The following AGBL4 variants were observed in gnomAD, a reference collection of about 807,000 sequenced individuals.
AGBL4 encodes the protein AGBL carboxypeptidase 4.
Under a neutral mutation model 66.4 loss-of-function variants are expected in AGBL4, and 58 were observed. The observed-to-expected ratio is 0.87, with a 90% confidence interval of 0.71 to 1.09. The LOEUF (loss-of-function observed/expected upper bound fraction) is 1.09. AGBL4 is among the 50% of genes least tolerant of loss of function. The pLI is 0.00. For synonymous variants in AGBL4, 234 were observed against 222.9 expected, an observed-to-expected ratio of 1.05 and a Z score of -0.44; for missense variants, 579 against 631.0, an observed-to-expected ratio of 0.92 and a Z score of 0.88.
chr1:49,834,668 T>C (rs1645797917), intron 2 of AGBL4, among the ~76,000 whole-genome samples: 1 of 152,178 alleles, frequency 6.6e-6, no homozygotes, highest in African/African-American at 2.4e-5. Flanking sequence ...TTATGTTAGG[T>C]GTCAATTTTA....
chr1:48,695,869 C>A (rs942946388), intron 6 of AGBL4, among the ~76,000 whole-genome samples: 5 of 152,158 alleles, frequency 3.3e-5, no homozygotes, highest in Non-Finnish European at 5.9e-5. Context: ...AGACCACCAC[C>A]AACCCCTAAA....
At position 49,844,917 on chromosome 1, in the gene AGBL4, G is replaced by C. The variant is rs1646096895; in HGVS notation, c.157+6479C>G. On this transcript the variant is annotated intron_variant, in intron 2 of 13. Transcript: ENST00000371839. ...AGATGCCTGTTCAGGAGCAGTGACA[G>C]AGGAATGGGTTTGGGGAAAACAGAA... 5 of 1,369,170 alleles carry C rather than the reference G, an allele frequency of 3.7e-6. No individual in the cohort carries two copies. In the South Asian group the frequency reaches 5.9e-5, roughly 16 times the overall value. 84.8% of individuals were successfully genotyped at this position (1,369,170 alleles called of 1,614,324 possible).
intron 3 of AGBL4, among the ~76,000 whole-genome samples, chr1:49,688,955 T>G (rs1646836233): frequency 1.3e-5 from 2 of 152,192 alleles, no homozygotes; most frequent in African/African-American, 2.4e-5. Flanking sequence ...GAGTTCCTTA[T>G]ATTTTCTGAT....
At chr1:49,953,084 A>G (rs1011138969) in intron 1 of AGBL4, among the ~76,000 whole-genome samples, 1 of 151,970 alleles carries the variant, frequency 6.6e-6, no homozygotes, top group African/African-American at 2.4e-5. Flanking sequence ...AACATAAAAG[A>G]AGAATGATAG....
At chr1:49,840,597 G>A (rs936417684) in intron 2 of AGBL4, among the ~76,000 whole-genome samples, 2 of 152,124 alleles carry the variant, frequency 1.3e-5, no homozygotes, top group Non-Finnish European at 2.9e-5. Flanking sequence ...TATCGCCAAT[G>A]AATGCAGACA....
rs372598395 is a variant in AGBL4, at chr1:48,803,890, C to T, written c.634+63301G>A. ...CTAGTCTGGTGGTTAAGCACTTAGG[C>T]TCTGGAATGATATTGTCTAGACTTG... On this transcript the variant is annotated intron_variant, in intron 6 of 13. Coordinates refer to ENST00000371839, the MANE Select transcript of AGBL4 (RefSeq NM_032785.4). Among the ~76,000 whole-genome samples the T allele has an allele frequency of 1.9e-4, 29 of 152,264 alleles. No homozygotes were observed. In the East Asian group the frequency reaches 2.7e-3, roughly 14 times the overall value.
chr1:49,227,186 A>G (rs1649978199), intron 4 of AGBL4, among the ~76,000 whole-genome samples: 1 of 152,186 alleles, frequency 6.6e-6, no homozygotes, highest in Non-Finnish European at 1.5e-5. Flanking sequence ...TATTTATTTA[A>G]ATAATATTTG....
At chr1:48,756,947 T>C (rs1449495409) in intron 6 of AGBL4, among the ~76,000 whole-genome samples, 1 of 152,192 alleles carries the variant, frequency 6.6e-6, no homozygotes, top group Non-Finnish European at 1.5e-5. Context: ...GCCTGTGGGA[T>C]GGGAGAGCCT....
At chr1:49,493,319 C>A (rs1647255473) in intron 3 of AGBL4, among the ~76,000 whole-genome samples, 1 of 151,902 alleles carries the variant, frequency 6.6e-6, no homozygotes, top group Non-Finnish European at 1.5e-5. Context: ...GAAACAAGAG[C>A]AGATAATTTT....
At chr1:49,171,223 C>T (rs575492084) in intron 4 of AGBL4, among the ~76,000 whole-genome samples, 1 of 152,296 alleles carries the variant, frequency 6.6e-6, no homozygotes, top group South Asian at 2.1e-4. Flanking sequence ...ATGTTCCAGG[C>T]ACAAGGACCC....
At chr1:49,885,035 A>T (rs1480894070) in intron 1 of AGBL4, among the ~76,000 whole-genome samples, 5 of 151,998 alleles carry the variant, frequency 3.3e-5, no homozygotes, top group Non-Finnish European at 5.9e-5. Flanking sequence ...TCATTTTTAC[A>T]TTGAAAACTA....
At chr1:49,270,195 C>T (rs1014892423) in intron 3 of AGBL4, among the ~76,000 whole-genome samples, 4 of 152,126 alleles carry the variant, frequency 2.6e-5, no homozygotes, top group Non-Finnish European at 5.9e-5. Context: ...TCTCTTCTCC[C>T]AGAAATAGTT....
At chr1:48,697,278 C>T (rs546569458) in intron 6 of AGBL4, among the ~76,000 whole-genome samples, 24 of 152,276 alleles carry the variant, frequency 1.6e-4, no homozygotes, top group African/African-American at 4.1e-4. Context: ...GAAAATGCCC[C>T]GTGCTGCCAC....
At chr1:48,869,643 T>C (rs1028172468) in intron 5 of AGBL4, among the ~76,000 whole-genome samples, 2 of 152,104 alleles carry the variant, frequency 1.3e-5, no homozygotes. Context: ...ACTTGGCAAC[T>C]CTAAAATGAG....
intron 3 of AGBL4, among the ~76,000 whole-genome samples, chr1:49,261,844 A>G (rs1341427803): frequency 6.7e-6 from 1 of 149,606 alleles, no homozygotes; most frequent in Non-Finnish European, 1.5e-5. Context: ...AAGAGCCCAC[A>G]TCGCCAAGTC....
chr1:49,563,061 C>T (rs1257924731), intron 3 of AGBL4, among the ~76,000 whole-genome samples: 3 of 151,996 alleles, frequency 2.0e-5, no homozygotes, highest in Admixed American at 2.0e-4. Flanking sequence ...ATTTTATTCT[C>T]TTTGAAGCAA....
rs80296469 is a variant in AGBL4, at chr1:49,241,172, A to G, written c.377+4598T>C. On this transcript the variant is annotated intron_variant, in intron 4 of 13. Coordinates refer to ENST00000371839, the MANE Select transcript of AGBL4 (RefSeq NM_032785.4). ...TTTCATCCTCTCCAAAATATTCCCC[A>G]TTCAGCAGCAAGACTGATCTTTCTA... 6.1e-3 allele frequency among the ~76,000 whole-genome samples: 921 copies of G among 152,178 alleles called. 51 individuals are homozygous for G. The East Asian group carries it at 0.13, about 22-fold the overall frequency.
intron 3 of AGBL4, among the ~76,000 whole-genome samples, chr1:49,643,505 A>G (rs992886233): frequency 1.3e-5 from 2 of 151,634 alleles, no homozygotes; most frequent in African/African-American, 4.8e-5. Context: ...CCAACCACAA[A>G]AAAAACAGAA....
At chr1:49,243,097 A>G (rs2148323743) in intron 4 of AGBL4, among the ~76,000 whole-genome samples, 1 of 151,408 alleles carries the variant, frequency 6.6e-6, no homozygotes, top group East Asian at 1.9e-4. Flanking sequence ...TAAATTATAT[A>G]TATAATATCC....
Sources: allele counts gnomAD v4.1 joint callset (sites outside exome capture counted in the v4.1 genomes callset), GRCh38; gene constraint gnomAD v4.1.1; transcripts MANE v1.5; gene names NCBI Gene and HGNC (gene_info 2026-07-23, HGNC 2026-07-21).